TPRG1: variants seen among roughly 807,000 people sequenced by gnomAD.
TPRG1 encodes the protein tumor protein p63 regulated 1.
In TPRG1, 29 loss-of-function variants were observed where a neutral mutation model predicts 29.3. That is an observed-to-expected ratio of 0.99 (90% CI 0.74 to 1.35). The LOEUF (loss-of-function observed/expected upper bound fraction) is 1.35. Among genes scored for constraint, TPRG1 ranks in the 40% most tolerant of loss-of-function variants. The pLI is 0.00. For missense variants in TPRG1, 327 were observed against 335.0 expected (o/e 0.98, Z 0.19); for synonymous variants, 130 against 116.8 (o/e 1.11, Z -0.73).
rs553511199 is a variant in TPRG1, at chr3:189,291,930, A to G, written c.480-18456A>G. ...GGCTGCTACTGCAGAGACATCCCAGAGCTCTGGGTAGGCTTCTACTTATCA... is the reference window on the plus strand; with the variant it reads ...GGCTGCTACTGCAGAGACATCCCAGGGCTCTGGGTAGGCTTCTACTTATCA... On this transcript the variant is annotated intron_variant, in intron 4 of 5. Transcript: ENST00000345063. 2.0e-5 allele frequency among the ~76,000 whole-genome samples: 3 copies of G among 152,304 alleles called. No individual in the cohort carries two copies. The East Asian group carries it at 5.8e-4, about 29-fold the overall frequency.
At chr3:189,315,497 C>T in intron 5 of TPRG1, 1 of 455,894 alleles carries the variant, frequency 2.2e-6, no homozygotes. Flanking sequence ...CTACAGTATG[C>T]AGAGACTACT....
intron 4 of TPRG1, among the ~76,000 whole-genome samples, chr3:189,239,996 A>T (rs1578987282): frequency 6.6e-6 from 1 of 152,230 alleles, no homozygotes; most frequent in East Asian, 1.9e-4. Flanking sequence ...TGAACCGTGA[A>T]TTCCTTGCGG....
At chr3:189,219,821 G>A (rs996035629) in intron 3 of TPRG1, 36 of 923,032 alleles carry the variant, frequency 3.9e-5, no homozygotes, top group Admixed American at 1.2e-4. Context: ...TTTAAAAACC[G>A]GTAATTCTTG....
At chr3:189,022,968 C>T (rs913014949) in intron 3 of TPRG1, among the ~76,000 whole-genome samples, 8 of 152,120 alleles carry the variant, frequency 5.3e-5, no homozygotes, top group South Asian at 2.1e-4. Context: ...GCGCAGTATT[C>T]GGGTGGGAGC....
At chr3:189,092,801 C>A (rs1309805950) in intron 4 of TPRG1, among the ~76,000 whole-genome samples, 2 of 152,126 alleles carry the variant, frequency 1.3e-5, no homozygotes, top group Non-Finnish European at 2.9e-5. Flanking sequence ...ATCAAAATAA[C>A]CAAATTAACA....
intron 1 of TPRG1, among the ~76,000 whole-genome samples, chr3:189,179,207 G>A (rs1027169584): frequency 2.0e-5 from 3 of 152,130 alleles, no homozygotes; most frequent in African/African-American, 7.2e-5. Flanking sequence ...TTTACATGGA[G>A]CTGCAACCAT....
rs768134887 is a variant in TPRG1, at chr3:189,262,868, G to A, written c.479+23959G>A. Among the ~76,000 whole-genome samples the A allele has an allele frequency of 2.2e-4, 34 of 152,338 alleles. 1 individual carries two copies. Among genetic ancestry groups the A allele is most frequent in the South Asian group, 1.4e-3 (7 of 4,832 alleles). Reference sequence around the variant, plus strand: ...CGCACACAGCTGTTGGCAGGCCCAGGGCCTTGCTGGCAGCTGGCCAGAGGT... The same window carrying A: ...CGCACACAGCTGTTGGCAGGCCCAGAGCCTTGCTGGCAGCTGGCCAGAGGT... On this transcript the variant is annotated intron_variant, in intron 4 of 5. Transcript: ENST00000345063.
rs924511764 is a variant in TPRG1 at position 189,086,242 on chromosome 3, T to A, written c.-462-40815T>A. ...TGGAGGCCAGAAGGCTCAGCCAGTC[T>A]AGTCCTTCCGCATTCCTCTGCCTGC... On this transcript the variant is annotated intron_variant, in intron 4 of 10. Coordinates refer to the TPRG1 transcript ENST00000433971. Among the ~76,000 whole-genome samples the A allele has an allele frequency of 2.0e-5, 3 of 152,150 alleles. No homozygotes were observed. The South Asian group carries it at 6.2e-4, about 31-fold the overall frequency.
intron 1 of TPRG1, among the ~76,000 whole-genome samples, chr3:189,125,458 T>C (rs1288447872): frequency 6.6e-6 from 1 of 152,204 alleles, no homozygotes; most frequent in African/African-American, 2.4e-5. Flanking sequence ...TCAGACCATA[T>C]GATCTTCTTC....
At chr3:189,045,913 T>A (rs1285845741) in intron 4 of TPRG1, among the ~76,000 whole-genome samples, 1 of 152,016 alleles carries the variant, frequency 6.6e-6, no homozygotes, top group African/African-American at 2.4e-5. Context: ...CAAGGTCAGG[T>A]AGGGGCTGGG....
intron 2 of TPRG1, 46 bp downstream of exon 2, chr3:189,207,640 A>G: frequency 6.4e-7 from 1 of 1,574,060 alleles, no homozygotes; most frequent in Non-Finnish European, 8.7e-7. Context: ...ATTCACCCCA[A>G]GACATCTTAA....
chr3:189,300,102 G>C (rs1039600768), intron 4 of TPRG1, among the ~76,000 whole-genome samples: 3 of 152,118 alleles, frequency 2.0e-5, no homozygotes, highest in African/African-American at 7.2e-5. Context: ...ATGCTTACTG[G>C]GAAAGCAAAC....
intron 2 of TPRG1, among the ~76,000 whole-genome samples, chr3:189,130,402 A>G (rs1482954605): frequency 1.3e-5 from 2 of 152,224 alleles, no homozygotes; most frequent in Non-Finnish European, 2.9e-5. Flanking sequence ...GTACCTGAAA[A>G]AATTAAACTT....
At chr3:189,021,878 G>A (rs1366857907) in intron 3 of TPRG1, among the ~76,000 whole-genome samples, 2 of 152,122 alleles carry the variant, frequency 1.3e-5, no homozygotes, top group African/African-American at 4.8e-5. Context: ...CCAATGAGAC[G>A]TAGATTTGGT....
chr3:189,078,389 A>C (rs1717369229), intron 4 of TPRG1, among the ~76,000 whole-genome samples: 1 of 151,898 alleles, frequency 6.6e-6, no homozygotes, highest in African/African-American at 2.4e-5. Flanking sequence ...CTGCCACCTC[A>C]GCCTCCCAAA....
intron 4 of TPRG1, among the ~76,000 whole-genome samples, chr3:189,030,816 G>T (rs560024899): frequency 1.3e-5 from 2 of 152,140 alleles, no homozygotes; most frequent in South Asian, 4.1e-4. Flanking sequence ...TTTCATTATT[G>T]TCACTATCCC....
intron 4 of TPRG1, among the ~76,000 whole-genome samples, chr3:189,059,918 A>G (rs1715988590): frequency 6.6e-6 from 1 of 152,152 alleles, no homozygotes; most frequent in South Asian, 2.1e-4. Context: ...GGCTTTCAAT[A>G]AAATTCAACA....
At chr3:189,178,358 G>A (rs538222802) in intron 1 of TPRG1, among the ~76,000 whole-genome samples, 10 of 152,168 alleles carry the variant, frequency 6.6e-5, no homozygotes, top group South Asian at 2.1e-4. Context: ...GCAAAACCCC[G>A]TCTCTACTAA....
chr3:189,092,325 G>A (rs1718388122), intron 4 of TPRG1, among the ~76,000 whole-genome samples: 1 of 152,138 alleles, frequency 6.6e-6, no homozygotes, highest in African/African-American at 2.4e-5. Context: ...CCCAGGTGAT[G>A]GTGATGTTGC....
Sources: gnomAD v4.1 joint callset for allele counts (sites outside exome capture counted in the v4.1 genomes callset) on GRCh38, gnomAD v4.1.1 for gene constraint, MANE v1.5 for transcripts, NCBI Gene and HGNC (gene_info 2026-07-23, HGNC 2026-07-21) for gene names.